TMEM108: variants seen among roughly 807,000 people sequenced by gnomAD.
TMEM108 encodes cancer/testis antigen 124.
Under a neutral mutation model 35.1 loss-of-function variants are expected in TMEM108, and 12 were observed. That is an observed-to-expected ratio of 0.34 (90% CI 0.22 to 0.55). The LOEUF (loss-of-function observed/expected upper bound fraction) is 0.55, where lower values mean the gene tolerates loss of function less well. TMEM108 is among the 20% of genes least tolerant of loss of function. The pLI is 0.89. For synonymous variants in TMEM108, 287 were observed against 308.6 expected (o/e 0.93, Z 0.73); for missense variants, 680 against 753.3 (o/e 0.90, Z 1.14).
At chr3:133,088,562 A>T (rs17294895) in intron 2 of TMEM108, among the ~76,000 whole-genome samples, 1 of 152,096 alleles carries the variant, frequency 6.6e-6, no homozygotes, top group Non-Finnish European at 1.5e-5. Context: ...ACTAATTCTG[A>T]TTCATTTTTA....
At chr3:133,062,378 G>A (rs1943547440) in intron 2 of TMEM108, among the ~76,000 whole-genome samples, 1 of 152,100 alleles carries the variant, frequency 6.6e-6, no homozygotes, top group East Asian at 1.9e-4. Context: ...CTAGCTAATG[G>A]ACCAGTAGAA....
At chr3:133,154,646 G>T (rs1041541635) in intron 2 of TMEM108, among the ~76,000 whole-genome samples, 13 of 151,988 alleles carry the variant, frequency 8.6e-5, no homozygotes, top group African/African-American at 2.7e-4. Context: ...TCACTCATAG[G>T]TGGGAATTGA....
At chr3:133,348,963 T>C (rs895392867) in intron 3 of TMEM108, among the ~76,000 whole-genome samples, 10 of 152,106 alleles carry the variant, frequency 6.6e-5, no homozygotes, top group East Asian at 3.9e-4. Flanking sequence ...AGACAAACTA[T>C]TGGGGGAAAA....
At chr3:133,257,089 C>T (rs529038468) in intron 3 of TMEM108, 3 of 152,234 alleles carry the variant, frequency 2.0e-5, no homozygotes, top group South Asian at 2.1e-4. Context: ...TGGGTAGAGA[C>T]GACAGGAGGT....
intron 3 of TMEM108, among the ~76,000 whole-genome samples, chr3:133,329,462 C>T (rs913621379): frequency 1.3e-5 from 2 of 152,088 alleles, no homozygotes; most frequent in Admixed American, 1.3e-4. Context: ...TGTCTTGTCC[C>T]GGCAGTCAGG....
Position 133,380,464 on chromosome 3 carries a change from G to A in TMEM108, c.753G>A (p.Gln251=), listed in dbSNP as rs2072976505. The A allele has an allele frequency of 6.2e-7, 1 of 1,613,846 alleles. No homozygotes were observed. The highest frequency in any genetic ancestry group is 1.7e-5 in the Admixed American group (1 of 59,996). Residue 251 remains glutamine (Q), a synonymous_variant, in exon 4 of 6, where the codon CAG becomes CAA. Coordinates refer to ENST00000321871, the MANE Select transcript of TMEM108 (RefSeq NM_023943.4). This position sits in a 1 kb window ranked among gnomAD's most constrained non-coding sequence, Gnocchi z 5.3. ...LWGYSSSPQP[Q]TVAATTVPSN... is the part of the protein sequence containing the mutation. ...GCTACTCCTCTTCACCACAGCCCCAGACAGTGGCTGCGACCACAGTGCCCA... is the reference window on the plus strand; with the variant it reads ...GCTACTCCTCTTCACCACAGCCCCAAACAGTGGCTGCGACCACAGTGCCCA...
intron 2 of TMEM108, among the ~76,000 whole-genome samples, chr3:133,173,740 C>T (rs773274246): frequency 1.3e-5 from 2 of 152,160 alleles, no homozygotes; most frequent in Non-Finnish European, 2.9e-5. Flanking sequence ...ATAGGAACAG[C>T]TCTAGTCTAC....
At position 133,102,051 on chromosome 3, in the gene TMEM108, T is replaced by C. The variant is rs1001440253; in HGVS notation, c.-47+56031T>C. Among the ~76,000 whole-genome samples, 7 of 152,244 alleles carry C rather than the reference T, an allele frequency of 4.6e-5. No homozygotes were observed. The East Asian group carries it at 9.6e-4, about 21-fold the overall frequency. On this transcript the variant is annotated intron_variant, in intron 2 of 5. Transcript: ENST00000321871. The stretch of plus-strand genomic sequence containing the variant: ...TCTTTTGATTCATATTCATATTCCA[T>C]TGGTTTCTATAATATGATTAAGTTA...
intron 2 of TMEM108, among the ~76,000 whole-genome samples, chr3:133,111,012 T>C (rs767198353): frequency 7.2e-5 from 11 of 152,204 alleles, no homozygotes; most frequent in Non-Finnish European, 1.5e-4. Flanking sequence ...ATCCTTTCAC[T>C]CTGTTGACCC....
intron 2 of TMEM108, among the ~76,000 whole-genome samples, chr3:133,164,713 G>C (rs1945011365): frequency 6.6e-6 from 1 of 152,142 alleles, no homozygotes; most frequent in South Asian, 2.1e-4. Flanking sequence ...GCTATGTTAG[G>C]GGCCTCTTGT....
intron 2 of TMEM108, among the ~76,000 whole-genome samples, chr3:133,058,686 C>T (rs1435764312): frequency 6.6e-6 from 1 of 152,240 alleles, no homozygotes; most frequent in East Asian, 1.9e-4. Context: ...TCCAGGCCTC[C>T]ATGTTTACCT....
Position 133,379,167 on chromosome 3 carries a change from G to A in TMEM108, c.41-585G>A, listed in dbSNP as rs144006348. On this transcript the variant is annotated intron_variant, in intron 3 of 5. Transcript: ENST00000321871. ...GTCCTCCAGGGTCAGGGAGAGGGTT[G>A]AACCTCCATAATTGTTTGGCGAATG... 9.3e-3 allele frequency among the ~76,000 whole-genome samples: 1,410 copies of A among 152,334 alleles called. 16 individuals carry two copies. The highest frequency in any genetic ancestry group is 0.032 in the African/African-American group (1,336 of 41,574).
At chr3:133,042,366 C>G (rs1398447107) in intron 1 of TMEM108, among the ~76,000 whole-genome samples, 1 of 152,100 alleles carries the variant, frequency 6.6e-6, no homozygotes, top group South Asian at 2.1e-4. Context: ...TACTAAAATC[C>G]TGCTTGTGCT....
chr3:133,247,649 A>AT (rs1383390377), intron 3 of TMEM108: 2 of 135,484 alleles, frequency 1.5e-5, no homozygotes, highest in East Asian at 2.0e-4. Context: ...CCTAAAAAAA[A>AT]AATAAAAAAT....
chr3:133,236,899 A>C (rs73217524), intron 3 of TMEM108, among the ~76,000 whole-genome samples: 1 of 152,092 alleles, frequency 6.6e-6, no homozygotes, highest in African/African-American at 2.4e-5. Flanking sequence ...TGAAGTTCTC[A>C]TGTATTCCAT....
At chr3:133,218,713 A>G (rs867098925) in intron 2 of TMEM108, among the ~76,000 whole-genome samples, 1 of 152,076 alleles carries the variant, frequency 6.6e-6, no homozygotes, top group Non-Finnish European at 1.5e-5. Context: ...GCATCCTTGC[A>G]TCTCTGGGAT....
chr3:133,107,455 GGTGTGTGTGTGTGT>G (rs59305794), intron 2 of TMEM108, among the ~76,000 whole-genome samples: 2,384 of 143,598 alleles, frequency 0.017, 19 homozygotes, highest in Middle Eastern at 0.031. Context: ...AAGTGTATGT[GGTGTGTGTGTGTGT>G]GTGTGTGTGT....
At chr3:133,292,496 A>G (rs1440430717) in intron 3 of TMEM108, among the ~76,000 whole-genome samples, 1 of 152,084 alleles carries the variant, frequency 6.6e-6, no homozygotes, top group Non-Finnish European at 1.5e-5. Flanking sequence ...TTTGGCACTG[A>G]TTGTCATCAT....
intron 3 of TMEM108, among the ~76,000 whole-genome samples, chr3:133,261,958 C>A (rs1423600181): frequency 6.6e-6 from 1 of 152,188 alleles, no homozygotes; most frequent in Non-Finnish European, 1.5e-5. Context: ...CAAATTCTGG[C>A]ATTGGTCATA....
Sources: gnomAD v4.1 joint callset for allele counts (sites outside exome capture counted in the v4.1 genomes callset) on GRCh38, gnomAD v4.1.1 for gene constraint, Gnocchi (gnomAD v3.1) non-coding constraint, MANE v1.5 for transcripts, NCBI Gene and HGNC (gene_info 2026-07-23, HGNC 2026-07-21) for gene names.